LUZP2: variants seen among roughly 807,000 people sequenced by gnomAD.
The protein encoded by LUZP2 is leucine zipper protein 2.
In LUZP2, 52 loss-of-function variants were observed where a neutral mutation model predicts 51.6. The observed-to-expected ratio is 1.01, with a 90% confidence interval of 0.81 to 1.27. The LOEUF (loss-of-function observed/expected upper bound fraction) is 1.27. Ranked by LOEUF, LUZP2 falls within the 50% of genes most tolerant of loss-of-function variation. LUZP2 has a pLI of 0.00. For synonymous variants in LUZP2, 154 were observed against 137.3 expected (o/e 1.12, Z -0.85); for missense variants, 436 against 395.4 (o/e 1.10, Z -0.87).
At chr11:24,814,842 A>G (rs1850126709) in intron 5 of LUZP2, among the ~76,000 whole-genome samples, 1 of 152,040 alleles carries the variant, frequency 6.6e-6, no homozygotes, top group South Asian at 2.1e-4. Flanking sequence ...AATACAAAAA[A>G]TTAGCCAGGC....
At chr11:24,979,013 A>C (rs970585884) in intron 8 of LUZP2, among the ~76,000 whole-genome samples, 1 of 151,802 alleles carries the variant, frequency 6.6e-6, no homozygotes, top group Non-Finnish European at 1.5e-5. Context: ...CTTATGTTCA[A>C]ATCATGACTC....
intron 9 of LUZP2, among the ~76,000 whole-genome samples, chr11:25,040,952 A>T (rs528270880): frequency 7.9e-5 from 12 of 152,184 alleles, no homozygotes; most frequent in African/African-American, 2.6e-4. Flanking sequence ...TTTGGTACCC[A>T]TCATTTCTCA....
chr11:24,768,873 T>G lies in LUZP2; in HGVS notation c.396+5565T>G, dbSNP rs1232773407. On this transcript the variant is annotated intron_variant, in intron 5 of 11. Transcript: ENST00000336930. ...AAAAACTAAAAATAGAACTACCATATGATCCAATAATATAACTACTTGTTA... is the reference window on the plus strand; with the variant it reads ...AAAAACTAAAAATAGAACTACCATAGGATCCAATAATATAACTACTTGTTA... Among the ~76,000 whole-genome samples, 4 of 152,320 alleles carry G rather than the reference T, an allele frequency of 2.6e-5. No individual in the cohort carries two copies. The South Asian group carries it at 8.3e-4, about 32-fold the overall frequency.
At chr11:24,701,139 T>G (rs1590367577) in intron 1 of LUZP2, 1 of 152,786 alleles carries the variant, frequency 6.5e-6, no homozygotes, top group Non-Finnish European at 1.5e-5. Context: ...CTGTTCCACC[T>G]GGTTATCACC....
intron 5 of LUZP2, chr11:24,786,007 T>C (rs1316350175): frequency 1.0e-6 from 1 of 985,228 alleles, no homozygotes; most frequent in Non-Finnish European, 1.2e-6. Context: ...CTTCAAGTGG[T>C]ACCCAGAGTT....
chr11:25,035,175 G>A (rs1260918111), intron 9 of LUZP2, among the ~76,000 whole-genome samples: 3 of 152,028 alleles, frequency 2.0e-5, no homozygotes, highest in African/African-American at 4.8e-5. Context: ...AGTACTGGAA[G>A]CCCCAGTCAG....
chr11:24,827,384 TA>T (rs1850575444), intron 5 of LUZP2, among the ~76,000 whole-genome samples: 1 of 152,316 alleles, frequency 6.6e-6, no homozygotes, highest in African/African-American at 2.4e-5. Flanking sequence ...TAAGAAATCT[TA>T]AGAAATATTT....
intron 7 of LUZP2, among the ~76,000 whole-genome samples, chr11:24,947,506 A>G (rs1854932665): frequency 1.3e-5 from 2 of 151,922 alleles, no homozygotes; most frequent in South Asian, 4.1e-4. Context: ...AATCTTTTAT[A>G]TATTACTTAT....
In LUZP2 at chr11:24,540,120, A is replaced by C. The variant is rs894755429; in HGVS notation, c.62+42815A>C. Among the ~76,000 whole-genome samples the C allele has an allele frequency of 3.3e-5, 5 of 152,076 alleles. No homozygotes were observed. The East Asian group carries it at 5.8e-4, about 18-fold the overall frequency. The stretch of plus-strand genomic sequence containing the variant: ...ATATGAAACTTGCATTGTGGGGAAA[A>C]GTACACCACTTTGGATTTTCATATT... On this transcript the variant is annotated intron_variant, in intron 1 of 11. Coordinates refer to ENST00000336930, the MANE Select transcript of LUZP2 (RefSeq NM_001009909.4).
intron 5 of LUZP2, among the ~76,000 whole-genome samples, chr11:24,807,752 G>T (rs1266796289): frequency 6.6e-6 from 1 of 152,060 alleles, no homozygotes; most frequent in African/African-American, 2.4e-5. Context: ...TCTAGAATGA[G>T]GGTCTTATGA....
intron 10 of LUZP2, among the ~76,000 whole-genome samples, chr11:25,055,365 G>C (rs1214355452): frequency 6.6e-6 from 1 of 152,002 alleles, no homozygotes; most frequent in Non-Finnish European, 1.5e-5. Flanking sequence ...CAGGGTACAA[G>C]TCTTGCATTT....
intron 1 of LUZP2, among the ~76,000 whole-genome samples, chr11:24,573,195 A>G (rs1852497606): frequency 6.6e-6 from 1 of 152,036 alleles, no homozygotes; most frequent in Non-Finnish European, 1.5e-5. Flanking sequence ...GAGCATTCAA[A>G]TCAACACCTC....
chr11:24,977,893 T>A (rs1387302386), intron 8 of LUZP2, among the ~76,000 whole-genome samples: 2 of 151,654 alleles, frequency 1.3e-5, no homozygotes, highest in Non-Finnish European at 3.0e-5. Context: ...GTTTTTAATT[T>A]TTTTTTTAAT....
intron 5 of LUZP2, among the ~76,000 whole-genome samples, chr11:24,822,220 T>C (rs754209456): frequency 6.6e-6 from 1 of 152,182 alleles, no homozygotes; most frequent in Non-Finnish European, 1.5e-5. Flanking sequence ...GTCTTTCTAA[T>C]TTTATTTTTC....
chr11:24,616,475 A>ATGTGTGTGTGTGTGTGTGTGTGTGTGTG (rs61413263), intron 1 of LUZP2, among the ~76,000 whole-genome samples: 1 of 98,444 alleles, frequency 1.0e-5, no homozygotes, highest in African/African-American at 3.3e-5. Context: ...TGGCGTGCGC[A>ATGTGTGTGTGTGTGTGTGTGTGTGTGTG]TGTGTGTGTG....
chr11:24,705,043 G>A (rs530185499), intron 1 of LUZP2, among the ~76,000 whole-genome samples: 1 of 151,968 alleles, frequency 6.6e-6, no homozygotes. Flanking sequence ...GAAAGTAAAA[G>A]CTCTCAGTAT....
intron 1 of LUZP2, among the ~76,000 whole-genome samples, chr11:24,658,483 C>T (rs1855898278): frequency 1.3e-5 from 2 of 152,118 alleles, no homozygotes; most frequent in East Asian, 1.9e-4. Context: ...TAGAAGAAAA[C>T]CTAGGCAATA....
rs1852235528 is a variant in LUZP2, at chr11:24,566,646, A to AC, written c.62+69341_62+69342insC. On this transcript the variant is annotated intron_variant, in intron 1 of 11. Transcript: ENST00000336930. ...TATACACACACACACACACACACAC[A>AC]AAAATTAGCTGGGCTTTAGCCTGAG... Among the ~76,000 whole-genome samples the AC allele has an allele frequency of 3.4e-5, 5 of 147,320 alleles. No homozygotes were observed. The Admixed American group carries it at 3.5e-4, about 10-fold the overall frequency.
chr11:24,860,690 A>G (rs1851713874), intron 5 of LUZP2, among the ~76,000 whole-genome samples: 1 of 152,106 alleles, frequency 6.6e-6, no homozygotes, highest in African/African-American at 2.4e-5. Flanking sequence ...AGCAAATTGC[A>G]GCAGCCTATA....
Sources: gnomAD v4.1 joint callset for allele counts (sites outside exome capture counted in the v4.1 genomes callset) on GRCh38, gnomAD v4.1.1 for gene constraint, MANE v1.5 for transcripts, NCBI Gene and HGNC (gene_info 2026-07-23, HGNC 2026-07-21) for gene names.